Variants in OSBPL8 observed in about 807,000 individuals in gnomAD.
OSBPL8 encodes the protein oxysterol binding protein like 8.
OSBPL8 carries 59 observed loss-of-function variants against 125.5 expected under a neutral mutation model. That is an observed-to-expected ratio of 0.47 (90% CI 0.38 to 0.58). OSBPL8 has a LOEUF of 0.58. Among genes scored for constraint, OSBPL8 ranks in the 20% least tolerant of loss-of-function variants. OSBPL8 has a pLI of 0.00. For missense variants in OSBPL8, 758 were observed against 1,047.8 expected (o/e 0.72, Z 3.82); for synonymous variants, 330 against 338.9 (o/e 0.97, Z 0.29).
At position 76,483,660 on chromosome 12, in the gene OSBPL8, C is replaced by CTTTTT. The variant is rs869202382; in HGVS notation, c.42+3845_42+3849dup. Among the ~76,000 whole-genome samples the CTTTTT allele has an allele frequency of 2.8e-3, 161 of 57,456 alleles. 40 individuals are homozygous for CTTTTT. The highest frequency in any genetic ancestry group is 5.6e-3 in the African/African-American group (70 of 12,530). The allele number at this position is 57,456 out of a possible 152,430, so 37.7% of individuals were successfully genotyped here. On this transcript the variant is annotated intron_variant, in intron 2 of 23. Transcript: ENST00000261183. The stretch of plus-strand genomic sequence containing the variant: ...CTCACCCCAAGATCACTGTAATAGT[C>CTTTTT]TTTTTTTTTTTTTTTTTTTTTTTTT...
chr12:76,356,795 A>C, intron 22 of OSBPL8, 67 bp from the exon 23 acceptor site: 7 of 1,098,938 alleles, frequency 6.4e-6, no homozygotes, highest in Non-Finnish European at 9.2e-6. Context: ...AATGTGTCTC[A>C]TGTAATAAAA....
At chr12:76,433,165 A>T (rs1299734852) in intron 4 of OSBPL8, among the ~76,000 whole-genome samples, 1 of 152,196 alleles carries the variant, frequency 6.6e-6, no homozygotes, top group East Asian at 1.9e-4. Flanking sequence ...TAAGATCCAG[A>T]ACAAGGCAAG....
intron 1 of OSBPL8, among the ~76,000 whole-genome samples, chr12:76,533,403 A>G (rs774134419): frequency 2.0e-4 from 30 of 152,288 alleles, no homozygotes; most frequent in Non-Finnish European, 3.5e-4. Context: ...ATTTCCTCTT[A>G]CCCACTATCA....
At chr12:76,441,166 A>G (rs1467533767) in intron 4 of OSBPL8, among the ~76,000 whole-genome samples, 2 of 152,134 alleles carry the variant, frequency 1.3e-5, no homozygotes, top group Non-Finnish European at 2.9e-5. Context: ...GCTTTCTACT[A>G]CAGGACTATT....
At chr12:76,464,581 C>G (rs372598810) in intron 2 of OSBPL8, among the ~76,000 whole-genome samples, 1 of 152,130 alleles carries the variant, frequency 6.6e-6, no homozygotes, top group Admixed American at 6.5e-5. Flanking sequence ...CTATAATTAG[C>G]ATTAAACAAG....
chr12:76,454,399 T>C (rs1031121050), intron 3 of OSBPL8, among the ~76,000 whole-genome samples: 1 of 152,128 alleles, frequency 6.6e-6, no homozygotes, highest in African/African-American at 2.4e-5. Context: ...AAGTAAAATG[T>C]TAATTACAGC....
rs1424515658 is a variant in OSBPL8 at position 76,355,427 on chromosome 12, C to T, written c.*462G>A. On this transcript the variant is annotated 3_prime_UTR_variant, in exon 24 of 24. Transcript: ENST00000261183. ...GAATTAATTATGTCTATTATTCCAT[C>T]ATTTCTCAATCTGTAATTCCTTACT... The T allele has an allele frequency of 6.6e-6, 1 of 152,280 alleles. No individual in the cohort carries two copies. Among genetic ancestry groups the T allele is most frequent in the East Asian group, 1.9e-4 (1 of 5,200 alleles). 9.4% of individuals were successfully genotyped at this position (152,280 alleles called of 1,614,324 possible). A position where few individuals can be genotyped will look rare whatever the true frequency, so the allele number is the denominator to read the frequency against.
intron 1 of OSBPL8, among the ~76,000 whole-genome samples, chr12:76,521,367 ACAGC>A (rs149966267): frequency 1.4e-3 from 218 of 152,324 alleles, no homozygotes; most frequent in Middle Eastern, 0.01. Flanking sequence ...GTAAAATGGT[ACAGC>A]CACTGCGGAA....
intron 1 of OSBPL8, among the ~76,000 whole-genome samples, chr12:76,545,339 T>C (rs1278940093): frequency 6.6e-6 from 1 of 152,192 alleles, no homozygotes; most frequent in Non-Finnish European, 1.5e-5. Context: ...AAGAAAAATA[T>C]GAACACTGTT....
At chr12:76,531,961 C>A (rs529048413) in intron 1 of OSBPL8, among the ~76,000 whole-genome samples, 31 of 146,660 alleles carry the variant, frequency 2.1e-4, no homozygotes, top group Non-Finnish European at 3.4e-4. Context: ...GGCGTGAACC[C>A]AGGAGGCGGA....
chr12:76,387,347 T>C (rs1953357152), intron 12 of OSBPL8, among the ~76,000 whole-genome samples: 1 of 152,178 alleles, frequency 6.6e-6, no homozygotes, highest in Non-Finnish European at 1.5e-5. Flanking sequence ...ATTAAATCAA[T>C]ACGGAAGGTT....
chr12:76,472,618 C>T (rs1876293424), intron 2 of OSBPL8, among the ~76,000 whole-genome samples: 1 of 152,192 alleles, frequency 6.6e-6, no homozygotes, highest in Non-Finnish European at 1.5e-5. Context: ...TCACGTGGGT[C>T]ACGTGTCCAC....
At chr12:76,499,416 C>T (rs112716641) in intron 1 of OSBPL8, among the ~76,000 whole-genome samples, 9,510 of 151,784 alleles carry the variant, frequency 0.063, 424 homozygotes, top group Non-Finnish European at 0.1. Flanking sequence ...TCTAGAGAAC[C>T]CTAATACAGC....
chr12:76,400,866 A>T (rs1954025024), intron 6 of OSBPL8, among the ~76,000 whole-genome samples: 2 of 149,584 alleles, frequency 1.3e-5, no homozygotes, highest in South Asian at 4.2e-4. Flanking sequence ...TCAGCTCACT[A>T]CAACCTCCGC....
chr12:76,470,309 T>C (rs2136911271), intron 2 of OSBPL8, among the ~76,000 whole-genome samples: 1 of 152,322 alleles, frequency 6.6e-6, no homozygotes, highest in Admixed American at 6.5e-5. Flanking sequence ...TTCATTAACA[T>C]TTTCCTCTAA....
chr12:76,375,376 G>A lies in OSBPL8; in HGVS notation c.1730-6C>T. 1 of 1,602,932 alleles carries A rather than the reference G, an allele frequency of 6.2e-7. No homozygotes were observed. Among genetic ancestry groups the A allele is most frequent in the Non-Finnish European group, 8.5e-7 (1 of 1,171,996 alleles). ...CATTGTACCATAAAGAATTCCTAAA[G>A]GAAAAAGATTTGACAAAAAATTGAA... is the stretch of plus-strand genomic sequence containing the variant. On this transcript the variant is annotated splice_region_variant and splice_polypyrimidine_tract_variant and intron_variant, in intron 16 of 23. Coordinates refer to ENST00000261183, the MANE Select transcript of OSBPL8 (RefSeq NM_020841.5).
At chr12:76,450,136 GTCCC>G (rs1873210142) in intron 4 of OSBPL8, among the ~76,000 whole-genome samples, 1 of 152,152 alleles carries the variant, frequency 6.6e-6, no homozygotes, top group South Asian at 2.1e-4. Context: ...GGATGGTTTT[GTCCC>G]TCAAGGGATA....
chr12:76,439,123 G>A (rs749758952), intron 4 of OSBPL8, among the ~76,000 whole-genome samples: 2 of 152,314 alleles, frequency 1.3e-5, no homozygotes, highest in Non-Finnish European at 2.9e-5. Context: ...GCTCACGCCT[G>A]TAATCCTAGC....
At chr12:76,381,956 A>G (rs531271503) in intron 15 of OSBPL8, among the ~76,000 whole-genome samples, 1 of 152,160 alleles carries the variant, frequency 6.6e-6, no homozygotes, top group Admixed American at 6.5e-5. Context: ...GCTAGTATTG[A>G]ACTCCTGACC....
Sources: gnomAD v4.1 joint callset for allele counts (sites outside exome capture counted in the v4.1 genomes callset) on GRCh38, gnomAD v4.1.1 for gene constraint, MANE v1.5 for transcripts, NCBI Gene and HGNC (gene_info 2026-07-23, HGNC 2026-07-21) for gene names.